ADD3: variants seen among roughly 807,000 people sequenced by gnomAD.
ADD3 encodes the protein gamma-adducin.
ADD3 carries 25 observed loss-of-function variants against 80.2 expected under a neutral mutation model. That is an observed-to-expected ratio of 0.31 (90% confidence interval 0.23 to 0.44). ADD3 has a LOEUF of 0.44. Ranked by LOEUF, ADD3 falls within the 20% of genes least tolerant of loss-of-function variation. The pLI, the probability that ADD3 is intolerant of heterozygous loss-of-function variation, is 1.00. For synonymous variants in ADD3, 284 were observed against 289.6 expected, an observed-to-expected ratio of 0.98 and a Z score of 0.20; for missense variants, 829 against 847.5, an observed-to-expected ratio of 0.98 and a Z score of 0.27.
chr10:110,013,917 C>T (rs548252067), intron 1 of ADD3, among the ~76,000 whole-genome samples: 3 of 152,312 alleles, frequency 2.0e-5, no homozygotes, highest in African/African-American at 7.2e-5. Flanking sequence ...CATGGGAACT[C>T]GGTGTATGTC....
intron 1 of ADD3, among the ~76,000 whole-genome samples, chr10:110,024,612 C>T (rs1854065900): frequency 6.6e-6 from 1 of 152,118 alleles, no homozygotes; most frequent in Non-Finnish European, 1.5e-5. Context: ...ACAGAACTAA[C>T]TTCTAGATTA....
chr10:110,051,790 C>T (rs950476404), intron 1 of ADD3, among the ~76,000 whole-genome samples: 5 of 152,232 alleles, frequency 3.3e-5, no homozygotes, highest in Admixed American at 1.3e-4. Flanking sequence ...TTCCTTTTTA[C>T]GGTTGGCTTT....
intron 3 of ADD3, among the ~76,000 whole-genome samples, chr10:110,113,756 T>C (rs932899016): frequency 2.0e-5 from 3 of 152,222 alleles, no homozygotes; most frequent in Non-Finnish European, 4.4e-5. Context: ...TTTCATAGTA[T>C]TATTAACAAA....
intron 1 of ADD3, among the ~76,000 whole-genome samples, chr10:110,032,048 A>T (rs1409862436): frequency 2.0e-5 from 3 of 152,164 alleles, no homozygotes; most frequent in Admixed American, 6.5e-5. Context: ...AATGTTTCAG[A>T]TGCCTTCAGG....
At chr10:110,057,274 A>C (rs1218307309) in intron 1 of ADD3, among the ~76,000 whole-genome samples, 1 of 152,238 alleles carries the variant, frequency 6.6e-6, no homozygotes, top group Non-Finnish European at 1.5e-5. Flanking sequence ...AGTTGCCAGT[A>C]ATTTTTCCTA....
At chr10:110,066,503 G>A (rs1466835494) in intron 1 of ADD3, among the ~76,000 whole-genome samples, 4 of 152,158 alleles carry the variant, frequency 2.6e-5, no homozygotes, top group Non-Finnish European at 5.9e-5. Flanking sequence ...AAAGTGCTGG[G>A]ATTACAGGTG....
At chr10:110,003,036 T>G (rs769723607), upstream of ADD3, among the ~76,000 whole-genome samples, 74 of 152,218 alleles carry the variant, frequency 4.9e-4, 1 homozygote, top group Non-Finnish European at 1.5e-4. Flanking sequence ...GTGATCAAAA[T>G]GTATGCAGCA....
At chr10:110,029,789 G>A (rs944864822) in intron 1 of ADD3, among the ~76,000 whole-genome samples, 4 of 152,104 alleles carry the variant, frequency 2.6e-5, no homozygotes, top group African/African-American at 7.2e-5. Flanking sequence ...AGTTGCTTAC[G>A]GTTTAGTTGA....
chr10:110,003,710 G>C (rs1851533768), upstream of ADD3, among the ~76,000 whole-genome samples: 1 of 152,136 alleles, frequency 6.6e-6, no homozygotes, highest in African/African-American at 2.4e-5. Context: ...TTTCTTGGCA[G>C]AAAGTGCCTC....
intron 1 of ADD3, among the ~76,000 whole-genome samples, chr10:110,027,466 T>C (rs1023937490): frequency 6.6e-6 from 1 of 152,224 alleles, no homozygotes; most frequent in Non-Finnish European, 1.5e-5. Context: ...GGCGGGAAAT[T>C]AGTTTCAATA....
rs1238439397 is a variant in ADD3 at position 110,130,443 on chromosome 10, A to G, written c.1689A>G (p.Glu563=). Residue 563 remains glutamate (E), a synonymous_variant, in exon 13 of 15, where the codon GAA becomes GAG. Transcript: ENST00000356080. ...PFSHLTEGEL[E]EYKRTIERKQ... is the part of the protein sequence containing the mutation. ...GTCATCTCACAGAAGGAGAACTTGA[A>G]GAGTATAAGAGGACAATCGAACGTA... 9 of 1,614,024 alleles carry G rather than the reference A, an allele frequency of 5.6e-6. No homozygotes were observed. In the Admixed American group the frequency reaches 1.0e-4, roughly 18 times the overall value.
chr10:110,105,829 T>A (rs187592695), intron 2 of ADD3, among the ~76,000 whole-genome samples: 1 of 152,348 alleles, frequency 6.6e-6, no homozygotes, highest in Admixed American at 6.5e-5. Context: ...TGATCTGTGG[T>A]CAGTTGAGAA....
intron 1 of ADD3, among the ~76,000 whole-genome samples, chr10:110,024,219 G>A (rs1854017062): frequency 6.6e-6 from 1 of 152,202 alleles, no homozygotes; most frequent in East Asian, 1.9e-4. Flanking sequence ...AAGAATTGAA[G>A]GCATTGGGCT....
intron 1 of ADD3, among the ~76,000 whole-genome samples, chr10:110,077,540 A>G (rs1845508950): frequency 6.6e-6 from 1 of 152,200 alleles, no homozygotes; most frequent in Non-Finnish European, 1.5e-5. Context: ...GGTTCATTGA[A>G]TTAAAAAAAA....
At chr10:110,062,430 A>AG (rs2133523349) in intron 1 of ADD3, among the ~76,000 whole-genome samples, 1 of 150,356 alleles carries the variant, frequency 6.7e-6, no homozygotes, top group East Asian at 2.0e-4. Flanking sequence ...AAAAAAAAAA[A>AG]GATAGCTGGC....
At chr10:110,063,936 T>C (rs752969902) in intron 1 of ADD3, among the ~76,000 whole-genome samples, 5 of 151,460 alleles carry the variant, frequency 3.3e-5, no homozygotes, top group Admixed American at 1.3e-4. Context: ...ATTCAAAGTT[T>C]AGTTTTGAAT....
intron 2 of ADD3, among the ~76,000 whole-genome samples, chr10:110,111,960 A>G (rs1427052312): frequency 6.6e-6 from 1 of 152,080 alleles, no homozygotes; most frequent in Non-Finnish European, 1.5e-5. Flanking sequence ...TGTTGCAGAG[A>G]GTGATTAGAA....
intron 8 of ADD3, among the ~76,000 whole-genome samples, chr10:110,120,955 A>G (rs1326181574): frequency 1.3e-5 from 2 of 152,122 alleles, no homozygotes; most frequent in South Asian, 2.1e-4. Context: ...ATATGTAGAA[A>G]GCTGAAACTG....
intron 1 of ADD3, among the ~76,000 whole-genome samples, chr10:110,075,351 TA>T: frequency 6.6e-6 from 1 of 152,192 alleles, no homozygotes; most frequent in Admixed American, 6.5e-5. Context: ...GTTTTTTTTT[TA>T]AAGCTATGAA....
Sources: allele counts gnomAD v4.1 joint callset (sites outside exome capture counted in the v4.1 genomes callset), GRCh38; gene constraint gnomAD v4.1.1; transcripts MANE v1.5; gene names NCBI Gene and HGNC (gene_info 2026-07-23, HGNC 2026-07-21).